Variants in AKR1B1 observed in about 807,000 individuals in gnomAD.
AKR1B1 encodes the protein aldo-keto reductase family 1 member B, also known as aldo-keto reductase family 1 member B1.
Under a neutral mutation model 40.4 loss-of-function variants are expected in AKR1B1, and 22 were observed. That is an observed-to-expected ratio of 0.54 (90% confidence interval 0.39 to 0.78). The LOEUF (loss-of-function observed/expected upper bound fraction) is 0.78. Among genes scored for constraint, AKR1B1 ranks in the 30% least tolerant of loss-of-function variants. AKR1B1 has a pLI of 0.00. For missense variants in AKR1B1, 357 were observed against 396.7 expected (o/e 0.90, Z 0.85); for synonymous variants, 157 against 149.9 (o/e 1.05, Z -0.35).
intron 6 of AKR1B1, 26 bp downstream of exon 6, chr7:134,448,361 G>A (rs1806169741): frequency 1.9e-6 from 3 of 1,557,670 alleles, no homozygotes; most frequent in Non-Finnish European, 2.7e-6. Context: ...AAGTGACACA[G>A]GAGCATGAGC....
intron 1 of AKR1B1, among the ~76,000 whole-genome samples, chr7:134,455,067 C>G (rs1398426599): frequency 6.6e-6 from 1 of 152,204 alleles, no homozygotes; most frequent in Non-Finnish European, 1.5e-5. Context: ...TCAACCCTCA[C>G]CCCATCCAAG....
rs1322482426 is a variant in AKR1B1, at chr7:134,442,544, G to A, written c.*184C>T. ...GAAAGAAGGGCAAAGCAAACTGGAA[G>A]AGACTTCTACTCTACTGACAGGGCT... On this transcript the variant is annotated 3_prime_UTR_variant, in exon 10 of 10. Coordinates refer to ENST00000285930, the MANE Select transcript of AKR1B1 (RefSeq NM_001628.4). The A allele has an allele frequency of 6.8e-6, 4 of 589,380 alleles. No homozygotes were observed. The highest frequency in any genetic ancestry group is 3.8e-5 in the African/African-American group (2 of 53,324). The allele number at this position is 589,380 out of a possible 1,614,324, so 36.5% of individuals were successfully genotyped here.
At chr7:134,448,789 T>C (rs527951785) in intron 5 of AKR1B1, among the ~76,000 whole-genome samples, 1 of 152,094 alleles carries the variant, frequency 6.6e-6, no homozygotes, top group African/African-American at 2.4e-5. Context: ...AGACCCCAAA[T>C]CGTCACAAGC....
intron 3 of AKR1B1, among the ~76,000 whole-genome samples, chr7:134,450,347 T>C (rs1444653868): frequency 6.6e-6 from 1 of 152,136 alleles, no homozygotes; most frequent in Non-Finnish European, 1.5e-5. Context: ...TGCAAATAGT[T>C]ACCGGGCCTC....
In AKR1B1 at chr7:134,452,454, A is replaced by C. The variant is rs560243790; in HGVS notation, c.67-701T>G. Among the ~76,000 whole-genome samples, 142 of 152,320 alleles carry C rather than the reference A, an allele frequency of 9.3e-4. 1 individual carries two copies. Among genetic ancestry groups the C allele is most frequent in the African/African-American group, 3.3e-3 (136 of 41,582 alleles). The stretch of plus-strand genomic sequence containing the variant: ...AATGTGGATCATGGAAGATCACCAA[A>C]TGGTTAGTGGCTGACCTGGCAAAAT... On this transcript the variant is annotated intron_variant, in intron 1 of 9. Transcript: ENST00000285930.
At chr7:134,451,883 T>C (rs1806300018) in intron 1 of AKR1B1, 130 bp from the exon 2 acceptor site, 1 of 913,036 alleles carries the variant, frequency 1.1e-6, no homozygotes, top group Admixed American at 2.0e-5. Context: ...CACGTGCACT[T>C]CCTCAGCAGC....
chr7:134,447,208 C>T, intron 8 of AKR1B1, 90 bp downstream of exon 8: 1 of 1,193,230 alleles, frequency 8.4e-7, no homozygotes, highest in Non-Finnish European at 1.2e-6. Flanking sequence ...GGTGGTGATC[C>T]CACAGATGAC....
intron 1 of AKR1B1, among the ~76,000 whole-genome samples, chr7:134,452,587 G>A (rs755102823): frequency 5.3e-5 from 8 of 152,142 alleles, no homozygotes; most frequent in East Asian, 3.9e-4. Flanking sequence ...ATGGCATCGC[G>A]CTTCACTGGC....
At chr7:134,458,817 C>T (rs770076304) in intron 1 of AKR1B1, among the ~76,000 whole-genome samples, 180 bp downstream of exon 1, 5 of 152,108 alleles carry the variant, frequency 3.3e-5, no homozygotes, top group Non-Finnish European at 7.4e-5. Flanking sequence ...GGAGCCAAGG[C>T]CCCCGGTCTC....
chr7:134,451,582 A>C lies in AKR1B1; in HGVS notation c.234+4T>G. The C allele has an allele frequency of 6.2e-7, 1 of 1,613,802 alleles. No homozygotes were observed. The highest frequency in any genetic ancestry group is 8.5e-7 in the Non-Finnish European group (1 of 1,180,008). On this transcript the variant is annotated splice_donor_region_variant and intron_variant, in intron 2 of 9. Coordinates refer to ENST00000285930, the MANE Select transcript of AKR1B1 (RefSeq NM_001628.4). ...CCCCTTCCAGCCCCACCGCGGAACGATACCTTGCTGACGATGAAGAGCTCC... is the reference window on the plus strand; with the variant it reads ...CCCCTTCCAGCCCCACCGCGGAACGCTACCTTGCTGACGATGAAGAGCTCC...
At chr7:134,446,922 G>A (rs1353199573) in intron 8 of AKR1B1, among the ~76,000 whole-genome samples, 2 of 152,226 alleles carry the variant, frequency 1.3e-5, no homozygotes, top group Non-Finnish European at 2.9e-5. Flanking sequence ...GGAAGCTGAG[G>A]CATCGAGCAG....
At chr7:134,442,904 G>T (rs1805982138) in intron 9 of AKR1B1, 134 bp from the exon 10 acceptor site, 1 of 854,106 alleles carries the variant, frequency 1.2e-6, no homozygotes, top group Non-Finnish European at 1.9e-6. Context: ...AGTTCTGAGT[G>T]TGCAGATGAT....
rs569530061 is a variant in AKR1B1, at chr7:134,454,876, C to T, written c.67-3123G>A. Among the ~76,000 whole-genome samples the T allele has an allele frequency of 5.9e-5, 9 of 152,296 alleles. No homozygotes were observed. The East Asian group carries it at 1.7e-3, about 29-fold the overall frequency. ...CTGTTCTGTTTTAATCAATTTGTCC[C>T]AAATTCTAAGACACTGCTGTTTCCA... On this transcript the variant is annotated intron_variant, in intron 1 of 9. Transcript: ENST00000285930.
intron 3 of AKR1B1, among the ~76,000 whole-genome samples, 197 bp from the exon 4 acceptor site, chr7:134,449,994 G>A (rs115373407): frequency 0.025 from 3,881 of 152,240 alleles, 151 homozygotes; most frequent in African/African-American, 0.084. Context: ...ACTGTCAGAC[G>A]GAGACATGGA....
At chr7:134,454,934 C>G (rs962676728) in intron 1 of AKR1B1, among the ~76,000 whole-genome samples, 3 of 152,154 alleles carry the variant, frequency 2.0e-5, no homozygotes, top group Non-Finnish European at 4.4e-5. Flanking sequence ...CAGGACTGAC[C>G]CTGTAGGGGC....
intron 1 of AKR1B1, among the ~76,000 whole-genome samples, chr7:134,457,683 C>T (rs777050750): frequency 1.3e-5 from 2 of 152,174 alleles, no homozygotes; most frequent in East Asian, 1.9e-4. Context: ...AAATATCCAA[C>T]GCCCAGGCCC....
intron 8 of AKR1B1, among the ~76,000 whole-genome samples, chr7:134,446,187 A>G (rs1806089154): frequency 6.6e-6 from 1 of 152,224 alleles, no homozygotes. Context: ...TACGAAACAA[A>G]CGATGCATCT....
At chr7:134,451,019 TG>T (rs1415970874) in intron 2 of AKR1B1, 117 bp from the exon 3 acceptor site, 5 of 833,066 alleles carry the variant, frequency 6.0e-6, no homozygotes, top group Non-Finnish European at 1.0e-5. Flanking sequence ...ATGCTGTGAA[TG>T]GTTGTGAGGG....
At chr7:134,458,959 G>A in intron 1 of AKR1B1, 38 bp downstream of exon 1, 7 of 1,584,128 alleles carry the variant, frequency 4.4e-6, no homozygotes, top group Non-Finnish European at 6.0e-6. Flanking sequence ...CGGAGAGTGT[G>A]AGGCGAGCCC....
Sources: allele counts gnomAD v4.1 joint callset (sites outside exome capture counted in the v4.1 genomes callset), GRCh38; gene constraint gnomAD v4.1.1; transcripts MANE v1.5; gene names NCBI Gene and HGNC (gene_info 2026-07-23, HGNC 2026-07-21).